Variants in SEC14L6 observed in about 807,000 individuals in gnomAD.
SEC14L6 encodes SEC14-like protein 6.
Under a neutral mutation model 54.1 loss-of-function variants are expected in SEC14L6, and 40 were observed. The ratio of observed to expected loss-of-function variants is 0.74; its 90% CI spans 0.57 to 0.96. The LOEUF is 0.96. SEC14L6 is among the 40% of genes least tolerant of loss of function. The pLI is 0.00. For synonymous variants in SEC14L6, 171 were observed against 198.4 expected (o/e 0.86, Z 1.16); for missense variants, 471 against 498.3 (o/e 0.95, Z 0.52).
At chr22:30,531,827 G>A in intron 6 of SEC14L6, 76 bp downstream of exon 6, 1 of 1,048,602 alleles carries the variant, frequency 9.5e-7, no homozygotes, top group Non-Finnish European at 1.4e-6. Flanking sequence ...TCCCGCCCCT[G>A]CCCCACACCA....
At chr22:30,532,338 A>T in intron 5 of SEC14L6, 187 bp downstream of exon 5, 1 of 959,192 alleles carries the variant, frequency 1.0e-6, no homozygotes, top group Non-Finnish European at 1.2e-6. Context: ...GGGAGAAATG[A>T]TTCCCAGTTC....
rs1936758253 is a variant in SEC14L6, at chr22:30,525,847, G to T, written c.750C>A (p.Gly250=). 4 of 1,613,666 alleles carry T rather than the reference G, an allele frequency of 2.5e-6. No homozygotes were observed. The highest frequency in any genetic ancestry group is 3.4e-6 in the Non-Finnish European group (4 of 1,179,732). ...EFGGTMTDPD[G]NPKCLTKINY... ...GTACCTTGGTCAGGCACTTGGGGTT[G>T]CCATCGGGGTCAGTCATGGTCCCCC... Residue 250 remains glycine, a synonymous_variant, in exon 9 of 12, where the codon GGC becomes GGA. Transcript: ENST00000402034.
chr22:30,526,019 C>G, intron 8 of SEC14L6, 87 bp from the exon 9 acceptor site: 1 of 1,472,028 alleles, frequency 6.8e-7, no homozygotes, highest in Non-Finnish European at 9.3e-7. Context: ...TGTCCTTTGG[C>G]CAGCTGCTCT....
chr22:30,531,099 C>G (rs1936953718), intron 6 of SEC14L6, among the ~76,000 whole-genome samples: 1 of 152,052 alleles, frequency 6.6e-6, no homozygotes, highest in African/African-American at 2.4e-5. Context: ...ATGAAAATAT[C>G]CCTGCCAACA....
At chr22:30,529,769 G>T (rs574014068) in intron 6 of SEC14L6, among the ~76,000 whole-genome samples, 3 of 152,076 alleles carry the variant, frequency 2.0e-5, no homozygotes, top group Non-Finnish European at 4.4e-5. Context: ...ACAGATGAGT[G>T]GGGGGATAAC....
At position 30,543,029 on chromosome 22, in the gene SEC14L6, C is replaced by T. The variant is rs1053592182; in HGVS notation, c.54+3600G>A. 8.1e-6 allele frequency: 13 copies of T among 1,600,444 alleles called. No homozygotes were observed. The African/African-American group carries it at 1.3e-4, about 16-fold the overall frequency. On this transcript the variant is annotated intron_variant, in intron 1 of 11. Coordinates refer to ENST00000402034, the MANE Select transcript of SEC14L6 (RefSeq NM_001193336.4). Reference sequence around the variant, plus strand: ...GCCAAACCCTCTGCCCCCGTGGTATCGGGCCCCGCAGCGAGGGCCACACCT... The same window carrying T: ...GCCAAACCCTCTGCCCCCGTGGTATTGGGCCCCGCAGCGAGGGCCACACCT...
intron 2 of SEC14L6, among the ~76,000 whole-genome samples, chr22:30,537,651 A>G (rs916905927): frequency 1.3e-5 from 2 of 152,122 alleles, no homozygotes; most frequent in African/African-American, 4.8e-5. Flanking sequence ...GCCAATTACA[A>G]TCTTCAGCTG....
In SEC14L6 at chr22:30,529,305, A is replaced by T; in HGVS notation, c.564T>A (p.Ser188Arg). 1 of 1,549,972 alleles carries T rather than the reference A, an allele frequency of 6.5e-7. No individual in the cohort carries two copies. Among genetic ancestry groups the T allele is most frequent in the Non-Finnish European group, 8.7e-7 (1 of 1,146,818 alleles). The change falls in exon 7 of 12, where the codon AGT (serine) becomes AGA (arginine). Residue 188 changes from serine to arginine, a missense_variant. Physicochemically the swap from Ser to Arg is moderately radical, Grantham distance 110. Coordinates refer to ENST00000402034, the MANE Select transcript of SEC14L6 (RefSeq NM_001193336.4). ...TTTACTCACCTCTCACAACAATTAA[A>T]CTCTTCAAGATCTCAGGGTAATTTG... The part of the protein sequence containing the change: ...LEANYPEILK[S>R]LIVVRAPKLF...
At chr22:30,528,721 G>C (rs570690061) in intron 8 of SEC14L6, among the ~76,000 whole-genome samples, 1 of 152,152 alleles carries the variant, frequency 6.6e-6, no homozygotes, top group South Asian at 2.1e-4. Flanking sequence ...ACTGTGTGCC[G>C]CCAAAGATCC....
At chr22:30,543,017 C>T (rs1002084233) in intron 1 of SEC14L6, 1 of 1,601,568 alleles carries the variant, frequency 6.2e-7, no homozygotes, top group Non-Finnish European at 8.5e-7. Flanking sequence ...AAACCCTCTG[C>T]CCCCGTGGTA....
rs752431968 is a variant in SEC14L6, at chr22:30,546,588, G to A, written c.54+41C>T. 4 of 1,535,406 alleles carry A rather than the reference G, an allele frequency of 2.6e-6. No homozygotes were observed. In the East Asian group the frequency reaches 7.3e-5, roughly 28 times the overall value. On this transcript the variant is annotated intron_variant, in intron 1 of 11. Transcript: ENST00000402034. Reference sequence around the variant, plus strand: ...GTCCTGCCCTTCCCCGTGGCAGAAGGAGAAACTGAGGCTGGTGTAGGAGTC... The same window carrying A: ...GTCCTGCCCTTCCCCGTGGCAGAAGAAGAAACTGAGGCTGGTGTAGGAGTC...
intron 1 of SEC14L6, chr22:30,544,113 C>T: frequency 2.2e-6 from 3 of 1,360,508 alleles, no homozygotes; most frequent in Non-Finnish European, 3.1e-6. Flanking sequence ...TAGCACCCAT[C>T]TCCATGCTCT....
Position 30,538,848 on chromosome 22 carries a change from A to C in SEC14L6, c.109T>G (p.Phe37Val). The C allele has an allele frequency of 6.4e-7, 1 of 1,557,860 alleles. No homozygotes were observed. The highest frequency in any genetic ancestry group is 8.7e-7 in the Non-Finnish European group (1 of 1,150,108). Reference sequence around the variant, plus strand: ...TTACCTTGGAGCCAGCGCAGGAGGAAGTAGTCATCAGGATTGGGCAGCGCA... The same window carrying C: ...TTACCTTGGAGCCAGCGCAGGAGGACGTAGTCATCAGGATTGGGCAGCGCA... ...LSALPNPDDY[F>V]LLRWLQARSF... Residue 37 changes from phenylalanine (F) to valine (V), a missense_variant, in exon 2 of 12, where the codon TTC (phenylalanine) becomes GTC (valine). Phe to Val is a conservative substitution (Grantham distance 50). Transcript: ENST00000402034.
At chr22:30,525,280 C>A in intron 11 of SEC14L6, 70 bp downstream of exon 11, 8 of 1,542,060 alleles carry the variant, frequency 5.2e-6, no homozygotes, top group Non-Finnish European at 5.3e-6. Context: ...CTGGTAGGAC[C>A]TGGATGCACA....
In SEC14L6 at chr22:30,546,722, C is replaced by T. The variant is rs1368033094; in HGVS notation, c.-40G>A. 2 of 1,528,050 alleles carry T rather than the reference C, an allele frequency of 1.3e-6. No homozygotes were observed. Among genetic ancestry groups the T allele is most frequent in the Non-Finnish European group, 1.8e-6 (2 of 1,129,410 alleles). The allele number at this position is 1,528,050 out of a possible 1,614,324, so 94.7% of individuals were successfully genotyped here. On this transcript the variant is annotated 5_prime_UTR_variant, in exon 1 of 12. Transcript: ENST00000402034. ...GGTCCAGGCTCCACTCTGTGGCTCCCTCCAGGTGGCCTGCCTTTTGCCAGC... is the reference window on the plus strand; with the variant it reads ...GGTCCAGGCTCCACTCTGTGGCTCCTTCCAGGTGGCCTGCCTTTTGCCAGC...
At chr22:30,529,231 G>A (rs1270619103) in intron 7 of SEC14L6, 58 bp downstream of exon 7, 9 of 1,545,196 alleles carry the variant, frequency 5.8e-6, no homozygotes, top group Admixed American at 3.9e-5. Flanking sequence ...GTGCCCACCC[G>A]GTCACCGCAC....
rs2085747524 is a variant in SEC14L6 at position 30,542,773 on chromosome 22, C to G, written c.54+3856G>C. 3.1e-6 allele frequency: 5 copies of G among 1,589,244 alleles called. No individual in the cohort carries two copies. In the Admixed American group the frequency reaches 8.4e-5, roughly 27 times the overall value. On this transcript the variant is annotated intron_variant, in intron 1 of 11. Transcript: ENST00000402034. ...CCTGAACCCTGTGGGGCCCATCCAA[C>G]GGTTCAGAGGAGCTGGACCAGGCCG...
chr22:30,532,495 C>T, intron 5 of SEC14L6, 30 bp downstream of exon 5: 1 of 1,527,684 alleles, frequency 6.5e-7, no homozygotes, highest in Non-Finnish European at 8.8e-7. Context: ...CTGTGTCCGG[C>T]TGCAGCTGCC....
intron 1 of SEC14L6, chr22:30,544,048 T>C: frequency 7.8e-6 from 12 of 1,539,606 alleles, no homozygotes; most frequent in Non-Finnish European, 1.1e-5. Context: ...GCTGTCCTTC[T>C]CAGAGTATGC....
Sources: allele counts gnomAD v4.1 joint callset (sites outside exome capture counted in the v4.1 genomes callset), GRCh38; gene constraint gnomAD v4.1.1; transcripts MANE v1.5; gene names NCBI Gene and HGNC (gene_info 2026-07-23, HGNC 2026-07-21).